PLEKHH2: variants seen among roughly 807,000 people sequenced by gnomAD.
PLEKHH2 encodes the protein pleckstrin homology, MyTH4 and FERM domain containing H2.
In PLEKHH2, 129 loss-of-function variants were observed where a neutral mutation model predicts 187.9. The ratio of observed to expected loss-of-function variants is 0.69; its 90% CI spans 0.59 to 0.79. PLEKHH2 has a LOEUF of 0.79. Among genes scored for constraint, PLEKHH2 ranks in the 30% least tolerant of loss-of-function variants. The probability of loss-of-function intolerance (pLI) is 0.00; values close to 1 mark genes in which losing one functional copy is unlikely to be tolerated. For synonymous variants in PLEKHH2, 686 were observed against 605.6 expected, an observed-to-expected ratio of 1.13 and a Z score of -1.95; for missense variants, 2,076 against 1,751.2, an observed-to-expected ratio of 1.19 and a Z score of -3.31.
Position 43,697,263 on chromosome 2 carries a change from C to T in PLEKHH2, c.595C>T (p.Arg199Ter), listed in dbSNP as rs761931305. 9 of 1,613,500 alleles carry T rather than the reference C, an allele frequency of 5.6e-6. No individual in the cohort carries two copies. Among genetic ancestry groups the T allele is most frequent in the Admixed American group, 1.7e-5 (1 of 59,978 alleles). ...SSLTFGCFLS[R>*]ARSPPQVVKS... ...TTTGACCTTTGGGTGCTTTTTATCT[C>T]GAGCAAGGAGTCCTCCTCAAGTAGT... The change falls in exon 7 of 30, where the codon CGA becomes TGA. Residue 199 changes from arginine to a stop codon, truncating the protein, a stop_gained. Coordinates refer to ENST00000282406, the MANE Select transcript of PLEKHH2 (RefSeq NM_172069.4). LOFTEE classifies it high-confidence loss of function.
rs774963098 is a variant in PLEKHH2, at chr2:43,712,366, A to C, written c.2443A>C (p.Lys815Gln). The C allele has an allele frequency of 2.4e-5, 38 of 1,614,020 alleles. No homozygotes were observed. The highest frequency in any genetic ancestry group is 3.1e-5 in the Non-Finnish European group (37 of 1,180,028). The change falls in exon 15 of 30, where the codon AAG becomes CAG. Residue 815 changes from lysine to glutamine, a missense_variant. By Grantham distance (53) the Lys-to-Gln change is moderately conservative (BLOSUM62 1). Coordinates refer to ENST00000282406, the MANE Select transcript of PLEKHH2 (RefSeq NM_172069.4). ...GCAGCCTGAGGGCAAACCCACCATG[A>C]AGGGATTGCTCACTAAGGTAGGAAC... ...SLQPEGKPTM[K>Q]GLLTKVKHGY...
At chr2:43,689,625 T>C (rs545475339) in intron 3 of PLEKHH2, among the ~76,000 whole-genome samples, 1 of 152,340 alleles carries the variant, frequency 6.6e-6, no homozygotes, top group South Asian at 2.1e-4. Context: ...TCTACAGAAC[T>C]TGGTCTTAAT....
At chr2:43,757,507 C>T (rs927498187) in intron 26 of PLEKHH2, among the ~76,000 whole-genome samples, 2 of 151,588 alleles carry the variant, frequency 1.3e-5, no homozygotes, top group East Asian at 3.9e-4. Context: ...GCAAGCTCCG[C>T]CTCCCGGGTA....
At chr2:43,741,793 A>C (rs768549739) in intron 21 of PLEKHH2, among the ~76,000 whole-genome samples, 3 of 152,206 alleles carry the variant, frequency 2.0e-5, no homozygotes, top group Non-Finnish European at 4.4e-5. Flanking sequence ...ATCTGCCTAC[A>C]GGGCACTTGA....
At chr2:43,702,600 G>T (rs1173005205) in intron 8 of PLEKHH2, among the ~76,000 whole-genome samples, 1 of 130,352 alleles carries the variant, frequency 7.7e-6, no homozygotes, top group Non-Finnish European at 1.6e-5. Flanking sequence ...TGAAAAAGTA[G>T]TATTGCTTTT....
At chr2:43,677,075 T>G (rs1410429993) in intron 2 of PLEKHH2, among the ~76,000 whole-genome samples, 1 of 152,238 alleles carries the variant, frequency 6.6e-6, no homozygotes, top group Non-Finnish European at 1.5e-5. Flanking sequence ...GTCCTTGTAT[T>G]AAAAGTATCG....
chr2:43,651,319 G>A (rs111842539), intron 2 of PLEKHH2, among the ~76,000 whole-genome samples: 32 of 152,034 alleles, frequency 2.1e-4, no homozygotes, highest in African/African-American at 7.5e-4. Context: ...CACCCGCCTC[G>A]GCCTCCCAAA....
At chr2:43,758,443 G>A (rs1672301420) in intron 26 of PLEKHH2, among the ~76,000 whole-genome samples, 1 of 152,096 alleles carries the variant, frequency 6.6e-6, no homozygotes, top group Non-Finnish European at 1.5e-5. Flanking sequence ...AGTAGAGACG[G>A]GGTTTCACCA....
At chr2:43,688,829 A>T (rs999178220) in intron 3 of PLEKHH2, among the ~76,000 whole-genome samples, 2 of 152,174 alleles carry the variant, frequency 1.3e-5, no homozygotes, top group African/African-American at 4.8e-5. Context: ...CCTCCCATCA[A>T]TGTGTGACAA....
intron 16 of PLEKHH2, among the ~76,000 whole-genome samples, chr2:43,721,114 A>C (rs1451432070): frequency 1.3e-5 from 2 of 152,160 alleles, no homozygotes; most frequent in Non-Finnish European, 2.9e-5. Context: ...AAGGAAAAGG[A>C]ATCTATTTCT....
intron 2 of PLEKHH2, among the ~76,000 whole-genome samples, chr2:43,654,887 C>T (rs1666673111): frequency 6.6e-6 from 1 of 152,040 alleles, no homozygotes. Context: ...ATTAGTTGGG[C>T]ACAGTGGCAC....
intron 20 of PLEKHH2, among the ~76,000 whole-genome samples, chr2:43,739,328 C>T (rs138905969): frequency 4.2e-4 from 64 of 152,296 alleles, no homozygotes; most frequent in African/African-American, 1.4e-3. Context: ...ACTCAGGATG[C>T]GTTTCTTTAT....
At chr2:43,704,157 C>A in intron 9 of PLEKHH2, 101 bp downstream of exon 9, 1 of 771,464 alleles carries the variant, frequency 1.3e-6, no homozygotes, top group Non-Finnish European at 2.0e-6. Flanking sequence ...AAGACAAATA[C>A]TGTATGATTC....
intron 1 of PLEKHH2, 65 bp from the exon 2 acceptor site, chr2:43,644,606 A>T: frequency 8.0e-7 from 1 of 1,248,040 alleles, no homozygotes; most frequent in Non-Finnish European, 1.1e-6. Context: ...CCTGAATATT[A>T]ATTGTGTTGT....
At chr2:43,749,408 T>G (rs1671917497) in intron 24 of PLEKHH2, among the ~76,000 whole-genome samples, 1 of 152,192 alleles carries the variant, frequency 6.6e-6, no homozygotes, top group Non-Finnish European at 1.5e-5. Context: ...CTCCGTAAAA[T>G]GCGTAAAACC....
intron 3 of PLEKHH2, among the ~76,000 whole-genome samples, chr2:43,682,429 C>T (rs1668240765): frequency 6.6e-6 from 1 of 152,114 alleles, no homozygotes; most frequent in Non-Finnish European, 1.5e-5. Flanking sequence ...GCCTCAGCCT[C>T]CCGAGTAGCT....
intron 8 of PLEKHH2, among the ~76,000 whole-genome samples, chr2:43,702,135 C>G (rs1424292760): frequency 6.6e-6 from 1 of 152,172 alleles, no homozygotes; most frequent in African/African-American, 2.4e-5. Flanking sequence ...CCTTTGGCCT[C>G]CAGAGAAACA....
chr2:43,755,708 T>C (rs997740044), intron 25 of PLEKHH2, among the ~76,000 whole-genome samples: 4 of 152,180 alleles, frequency 2.6e-5, no homozygotes, highest in Non-Finnish European at 4.4e-5. Flanking sequence ...CCTTCAGTCA[T>C]GTCTGGTGGC....
At chr2:43,677,839 C>T (rs1401048151) in intron 2 of PLEKHH2, among the ~76,000 whole-genome samples, 1 of 148,762 alleles carries the variant, frequency 6.7e-6, no homozygotes, top group Non-Finnish European at 1.5e-5. Context: ...TGACCCCCCC[C>T]CACCTCCCTC....
Sources: gnomAD v4.1 joint callset for allele counts (sites outside exome capture counted in the v4.1 genomes callset) on GRCh38, gnomAD v4.1.1 for gene constraint, MANE v1.5 for transcripts, NCBI Gene and HGNC (gene_info 2026-07-23, HGNC 2026-07-21) for gene names.